Variants in PRKCH observed in about 807,000 individuals in gnomAD.
The protein encoded by PRKCH is protein kinase C eta type.
PRKCH carries 28 observed loss-of-function variants against 82.5 expected under a neutral mutation model. That is an observed-to-expected ratio of 0.34 (90% CI 0.25 to 0.47). The LOEUF (loss-of-function observed/expected upper bound fraction) is 0.47, where lower values mean the gene tolerates loss of function less well. Ranked by LOEUF, PRKCH falls within the 20% of genes least tolerant of loss-of-function variation. The pLI, the probability that PRKCH is intolerant of heterozygous loss-of-function variation, is 1.00. For missense variants in PRKCH, 705 were observed against 881.8 expected, an observed-to-expected ratio of 0.80 and a Z score of 2.54; for synonymous variants, 322 against 327.4, an observed-to-expected ratio of 0.98 and a Z score of 0.18.
chr14:61,337,618 G>T (rs1220816541), intron 1 of PRKCH, among the ~76,000 whole-genome samples: 1 of 152,110 alleles, frequency 6.6e-6, no homozygotes, highest in Non-Finnish European at 1.5e-5. Flanking sequence ...TAGAGGTAGG[G>T]TCTCACTATG....
intron 10 of PRKCH, among the ~76,000 whole-genome samples, chr14:61,505,588 T>C (rs1490487986): frequency 2.6e-5 from 4 of 151,686 alleles, no homozygotes; most frequent in African/African-American, 4.9e-5. Flanking sequence ...TTGGTCAGGC[T>C]AATCTCGAAC....
At chr14:61,282,821 A>C (rs529511446) in intron 1 of PRKCH, among the ~76,000 whole-genome samples, 10 of 152,314 alleles carry the variant, frequency 6.6e-5, no homozygotes, top group African/African-American at 2.4e-4. Context: ...CTTGAATTTC[A>C]ATTCCCTCAC....
At chr14:61,428,417 C>T (rs531020848) in intron 2 of PRKCH, among the ~76,000 whole-genome samples, 92 of 152,192 alleles carry the variant, frequency 6.0e-4, no homozygotes, top group African/African-American at 2.0e-3. Flanking sequence ...TCCCTCTTTG[C>T]GTCATGGCTT....
chr14:61,411,172 A>G (rs1387762680), intron 2 of PRKCH, among the ~76,000 whole-genome samples: 1 of 152,200 alleles, frequency 6.6e-6, no homozygotes, highest in African/African-American at 2.4e-5. Flanking sequence ...CCACCTCAGA[A>G]GACACCAGCC....
chr14:61,244,635 G>A (rs1448751985), intron 1 of PRKCH, among the ~76,000 whole-genome samples: 3 of 152,124 alleles, frequency 2.0e-5, no homozygotes, highest in Admixed American at 6.6e-5. Flanking sequence ...AAAACACACC[G>A]CTGGTCCTGG....
intron 1 of PRKCH, among the ~76,000 whole-genome samples, chr14:61,387,771 C>T (rs2046610392): frequency 1.3e-5 from 2 of 152,232 alleles, no homozygotes; most frequent in African/African-American, 4.8e-5. Flanking sequence ...CAAAACTACA[C>T]ACAAAAGTTG....
chr14:61,452,416 G>A (rs1240966328), intron 6 of PRKCH, among the ~76,000 whole-genome samples: 1 of 152,174 alleles, frequency 6.6e-6, no homozygotes, highest in Admixed American at 6.5e-5. Flanking sequence ...ACAGGAATGT[G>A]TTGCTTGTCG....
intron 1 of PRKCH, among the ~76,000 whole-genome samples, chr14:61,273,103 A>G (rs1257624731): frequency 6.6e-6 from 1 of 152,238 alleles, no homozygotes; most frequent in Non-Finnish European, 1.5e-5. Context: ...GTATTGAAGT[A>G]ATATTCCACG....
rs146865968 is a variant in PRKCH at position 61,237,840 on chromosome 14, G to A, written c.-19+50172G>A. ...TAACCCAACCATCTTGGGCACTTGC[G>A]GTCAGGCCTTCCTGAAGCATGTCCT... On this transcript the variant is annotated intron_variant, in intron 1 of 3. Transcript: ENST00000555185. 3.9e-5 allele frequency among the ~76,000 whole-genome samples: 6 copies of A among 152,294 alleles called. No individual in the cohort carries two copies. The East Asian group carries it at 5.8e-4, about 15-fold the overall frequency.
At chr14:61,328,120 G>A (rs2140123463) in intron 1 of PRKCH, among the ~76,000 whole-genome samples, 2 of 151,528 alleles carry the variant, frequency 1.3e-5, no homozygotes, top group Middle Eastern at 3.4e-3. Context: ...CGCGGTGGCG[G>A]GCGCCTGTAG....
chr14:61,505,700 C>G (rs918320162), intron 10 of PRKCH, among the ~76,000 whole-genome samples: 2 of 152,062 alleles, frequency 1.3e-5, no homozygotes, highest in African/African-American at 2.4e-5. Context: ...GGGCGCTAAT[C>G]CCATTCACAA....
At chr14:61,283,878 G>A (rs1430423267) in intron 1 of PRKCH, among the ~76,000 whole-genome samples, 2 of 152,134 alleles carry the variant, frequency 1.3e-5, no homozygotes, top group Non-Finnish European at 2.9e-5. Flanking sequence ...GTTCTAAAGG[G>A]GAAAGCCTGT....
intron 2 of PRKCH, among the ~76,000 whole-genome samples, chr14:61,426,192 A>G (rs1483921912): frequency 1.3e-5 from 2 of 152,214 alleles, no homozygotes; most frequent in African/African-American, 4.8e-5. Flanking sequence ...GAAGCAGTCC[A>G]AGGTGCAACC....
At chr14:61,234,010 T>A (rs1036735390) in intron 1 of PRKCH, among the ~76,000 whole-genome samples, 1 of 152,210 alleles carries the variant, frequency 6.6e-6, no homozygotes, top group Admixed American at 6.5e-5. Flanking sequence ...AGGTACACTG[T>A]CCTGGTCTAC....
Position 61,457,325 on chromosome 14 carries a change from T to C in PRKCH, c.1104+6T>C. On this transcript the variant is annotated splice_donor_region_variant and intron_variant, in intron 8 of 13. Transcript: ENST00000332981. ...GGAAGGGGAGTTTTGGGAAGGTGAG[T>C]CTTGGCTTTAACTGTTTGGGTTGAA... 6.2e-7 allele frequency: 1 copy of C among 1,613,634 alleles called. No homozygotes were observed. The highest frequency in any genetic ancestry group is 8.5e-7 in the Non-Finnish European group (1 of 1,179,802).
chr14:61,255,338 A>G lies in PRKCH; in HGVS notation c.-19+67670A>G, dbSNP rs75452856. Among the ~76,000 whole-genome samples the G allele has an allele frequency of 9.5e-3, 1,452 of 152,330 alleles. 14 individuals carry two copies. The highest frequency in any genetic ancestry group is 0.027 in the Middle Eastern group (8 of 294). On this transcript the variant is annotated intron_variant, in intron 1 of 3. Coordinates refer to the PRKCH transcript ENST00000555185. The stretch of plus-strand genomic sequence containing the variant: ...ATTTGGCCATATCTCAGCAGGGATC[A>G]CAGGATAAACTTGACACTTGTGAGA...
intron 1 of PRKCH, among the ~76,000 whole-genome samples, chr14:61,233,143 C>G (rs1221659757): frequency 6.6e-6 from 1 of 152,206 alleles, no homozygotes; most frequent in African/African-American, 2.4e-5. Flanking sequence ...TGAGGCCACT[C>G]AGGTTTGCAG....
At chr14:61,379,846 G>C (rs533945445) in intron 1 of PRKCH, among the ~76,000 whole-genome samples, 12 of 152,060 alleles carry the variant, frequency 7.9e-5, no homozygotes, top group Non-Finnish European at 1.8e-4. Context: ...TTTCTGGAAG[G>C]GTCTACTTAG....
At chr14:61,535,317 A>T (rs780028409) in intron 12 of PRKCH, among the ~76,000 whole-genome samples, 1 of 152,212 alleles carries the variant, frequency 6.6e-6, no homozygotes, top group Non-Finnish European at 1.5e-5. Flanking sequence ...TTTTAAAGAG[A>T]AATTAAACAT....
Sources: gnomAD v4.1 joint callset for allele counts (sites outside exome capture counted in the v4.1 genomes callset) on GRCh38, gnomAD v4.1.1 for gene constraint, MANE v1.5 for transcripts, NCBI Gene and HGNC (gene_info 2026-07-23, HGNC 2026-07-21) for gene names.